The following SLC30A8 variants were observed in gnomAD, a reference collection of about 807,000 sequenced individuals.
The protein encoded by SLC30A8 is solute carrier family 30 member 8.
In SLC30A8, 27 loss-of-function variants were observed where a neutral mutation model predicts 36.9. The ratio of observed to expected loss-of-function variants is 0.73; its 90% CI spans 0.54 to 1.01. The LOEUF is 1.01. SLC30A8 is among the 50% of genes least tolerant of loss of function. The probability of loss-of-function intolerance (pLI) is 0.00; values close to 1 mark genes in which losing one functional copy is unlikely to be tolerated. For missense variants in SLC30A8, 439 were observed against 452.0 expected, an observed-to-expected ratio of 0.97 and a Z score of 0.26; for synonymous variants, 164 against 172.4, an observed-to-expected ratio of 0.95 and a Z score of 0.38.
chr8:117,038,728 A>G (rs1322892299), intron 1 of SLC30A8, among the ~76,000 whole-genome samples: 1 of 152,232 alleles, frequency 6.6e-6, no homozygotes, highest in East Asian at 1.9e-4. Context: ...CATTCTATCA[A>G]CCATGCTTGA....
At chr8:117,131,439 G>A (rs191232472), upstream of SLC30A8, among the ~76,000 whole-genome samples, 1 of 152,092 alleles carries the variant, frequency 6.6e-6, no homozygotes, top group Non-Finnish European at 1.5e-5. Context: ...CACTGGTTGA[G>A]TTTGAATTGC....
At chr8:117,005,698 A>G (rs934803404) in intron 1 of SLC30A8, among the ~76,000 whole-genome samples, 6 of 152,166 alleles carry the variant, frequency 3.9e-5, no homozygotes, top group African/African-American at 1.4e-4. Context: ...CATTCTTTCA[A>G]AATAGCTATT....
At chr8:116,952,074 A>G (rs1252579642) in intron 1 of SLC30A8, among the ~76,000 whole-genome samples, 1 of 152,160 alleles carries the variant, frequency 6.6e-6, no homozygotes, top group African/African-American at 2.4e-5. Flanking sequence ...GAGGAGGAGC[A>G]GGTAGCAATC....
chr8:116,971,534 C>G (rs966358328), intron 1 of SLC30A8, among the ~76,000 whole-genome samples: 15 of 152,128 alleles, frequency 9.9e-5, no homozygotes, highest in African/African-American at 3.4e-4. Flanking sequence ...AACTTTGTTT[C>G]CTATCTTTGA....
At chr8:117,133,711 G>A (rs1461761854), upstream of SLC30A8, among the ~76,000 whole-genome samples, 1 of 152,016 alleles carries the variant, frequency 6.6e-6, no homozygotes, top group Non-Finnish European at 1.5e-5. Context: ...TGTCACACAG[G>A]TGGATTAGTA....
intron 1 of SLC30A8, among the ~76,000 whole-genome samples, chr8:117,021,654 T>C (rs950162437): frequency 6.6e-6 from 1 of 152,222 alleles, no homozygotes; most frequent in African/African-American, 2.4e-5. Context: ...ATTTACAAGC[T>C]GATTCTAAAA....
intron 1 of SLC30A8, among the ~76,000 whole-genome samples, chr8:116,954,995 T>C (rs1478924472): frequency 6.6e-6 from 1 of 152,232 alleles, no homozygotes; most frequent in Non-Finnish European, 1.5e-5. Context: ...CAGGTAAATG[T>C]ATCAGTTGAT....
In SLC30A8 at chr8:117,172,801, A is replaced by G. The variant is rs1586625421; in HGVS notation, c.*120A>G. ...AGAAATTCATGTCATGGTGCAATGC[A>G]CATTTTATCTATTTATTTAGTTCCA... On this transcript the variant is annotated 3_prime_UTR_variant, in exon 8 of 8. Coordinates refer to ENST00000456015, the MANE Select transcript of SLC30A8 (RefSeq NM_173851.3). 1.7e-6 allele frequency: 2 copies of G among 1,200,442 alleles called. No homozygotes were observed. The highest frequency in any genetic ancestry group is 4.4e-5 in the Admixed American group (2 of 45,440). 74.4% of individuals were successfully genotyped at this position (1,200,442 alleles called of 1,614,324 possible).
chr8:117,171,759 G>A (rs1177646129), intron 7 of SLC30A8, among the ~76,000 whole-genome samples: 1 of 152,138 alleles, frequency 6.6e-6, no homozygotes, highest in Non-Finnish European at 1.5e-5. Context: ...ATGTCCTAGA[G>A]CTGGGAGGAT....
chr8:117,007,443 C>T (rs545812208), intron 1 of SLC30A8, among the ~76,000 whole-genome samples: 1 of 152,026 alleles, frequency 6.6e-6, no homozygotes, highest in Non-Finnish European at 1.5e-5. Context: ...TGGAAAACTG[C>T]CCTTTAGTTA....
At chr8:117,097,957 A>T (rs1254444677) in intron 2 of SLC30A8, among the ~76,000 whole-genome samples, 2 of 116,912 alleles carry the variant, frequency 1.7e-5, no homozygotes, top group Admixed American at 1.1e-4. Context: ...ATTTTAAATA[A>T]ATATATTAAA....
chr8:117,120,568 C>A (rs1416423957), intron 2 of SLC30A8, among the ~76,000 whole-genome samples: 1 of 151,690 alleles, frequency 6.6e-6, no homozygotes, highest in Non-Finnish European at 1.5e-5. Context: ...TGATATGACA[C>A]CAAAAGCATA....
At chr8:117,090,601 C>G (rs1196313897) in intron 2 of SLC30A8, among the ~76,000 whole-genome samples, 1 of 152,144 alleles carries the variant, frequency 6.6e-6, no homozygotes, top group Non-Finnish European at 1.5e-5. Flanking sequence ...TTAATAAGGG[C>G]ACTAATCCCA....
At chr8:117,026,737 T>C (rs1163397864) in intron 1 of SLC30A8, among the ~76,000 whole-genome samples, 3 of 152,206 alleles carry the variant, frequency 2.0e-5, no homozygotes, top group Admixed American at 1.3e-4. Context: ...AACACGTACA[T>C]GTATTGTGCA....
At chr8:117,111,537 G>A (rs139597554) in intron 2 of SLC30A8, among the ~76,000 whole-genome samples, 3 of 152,242 alleles carry the variant, frequency 2.0e-5, no homozygotes, top group African/African-American at 7.2e-5. Context: ...ACCAGGCCTG[G>A]CTGCTTAGAA....
intron 2 of SLC30A8, among the ~76,000 whole-genome samples, chr8:117,089,380 A>G (rs1819015244): frequency 6.6e-6 from 1 of 152,150 alleles, no homozygotes; most frequent in African/African-American, 2.4e-5. Flanking sequence ...CCATCTCCCC[A>G]AACAAGATTC....
chr8:116,982,418 A>T (rs1815299167), intron 1 of SLC30A8, among the ~76,000 whole-genome samples: 1 of 152,218 alleles, frequency 6.6e-6, no homozygotes, highest in South Asian at 2.1e-4. Flanking sequence ...ATTGATGGAA[A>T]CAACAGTGAT....
intron 2 of SLC30A8, among the ~76,000 whole-genome samples, chr8:117,072,907 A>G (rs1178983790): frequency 7.3e-6 from 1 of 137,502 alleles, no homozygotes; most frequent in Non-Finnish European, 1.6e-5. Flanking sequence ...TCAAATCTTT[A>G]TTTCATGTAT....
chr8:117,047,065 T>C (rs980378114), intron 2 of SLC30A8, among the ~76,000 whole-genome samples: 7 of 152,128 alleles, frequency 4.6e-5, no homozygotes, highest in African/African-American at 1.7e-4. Context: ...GTTTAGTCAC[T>C]GTGGATGAGT....
Sources: gnomAD v4.1 joint callset for allele counts (sites outside exome capture counted in the v4.1 genomes callset) on GRCh38, gnomAD v4.1.1 for gene constraint, MANE v1.5 for transcripts, NCBI Gene and HGNC (gene_info 2026-07-23, HGNC 2026-07-21) for gene names.